The following STEEP1 variants were observed in gnomAD, a reference collection of about 807,000 sequenced individuals.
STEEP1 encodes STING1 ER exit protein 1.
A neutral mutation model predicts 19.2 loss-of-function variants in STEEP1; 3 were observed. That is an observed-to-expected ratio of 0.16 (90% CI 0.07 to 0.40). The LOEUF (loss-of-function observed/expected upper bound fraction) is 0.40. Ranked by LOEUF, STEEP1 falls within the 10% of genes least tolerant of loss-of-function variation. The pLI, the probability that STEEP1 is intolerant of heterozygous loss-of-function variation, is 0.99. For synonymous variants in STEEP1, 46 were observed against 63.7 expected (o/e 0.72, Z 1.32); for missense variants, 54 against 177.1 (o/e 0.30, Z 3.94).
At chrX:119,558,058 G>A (rs990937385) in intron 2 of STEEP1, among the ~76,000 whole-genome samples, 13 of 109,987 alleles carry the variant, frequency 1.2e-4, no homozygotes, top group African/African-American at 3.3e-4. Flanking sequence ...AGGCACACGC[G>A]CCACCATGCC....
At position 119,557,133 on chromosome X, in the gene STEEP1, G is replaced by A. The variant is rs182806996; in HGVS notation, c.242+3135C>T. ...ATCGCATCACTGCACTCCAGCTTGG[G>A]TGACAGAGCGAGACTCTATCTCAAA... is the stretch of plus-strand genomic sequence containing the variant. On this transcript the variant is annotated intron_variant, in intron 2 of 6. Coordinates refer to ENST00000644802, the MANE Select transcript of STEEP1 (RefSeq NM_022101.4). Among the ~76,000 whole-genome samples, 62 of 89,734 alleles carry A rather than the reference G, an allele frequency of 6.9e-4. No homozygotes were observed. The East Asian group carries it at 0.022, about 31-fold the overall frequency. The allele number at this position is 89,734 out of a possible 115,157, so 77.9% of individuals were successfully genotyped here. A position where few individuals can be genotyped will look rare whatever the true frequency, so the allele number is the denominator to read the frequency against.
At chrX:119,557,169 A>AAAAAAAAAAAG (rs1422611693) in intron 2 of STEEP1, among the ~76,000 whole-genome samples, 35 of 105,337 alleles carry the variant, frequency 3.3e-4, no homozygotes, top group South Asian at 8.6e-4. Context: ...AAAAAAAAAA[A>AAAAAAAAAAAG]AAAAGAAAAG....
At chrX:119,556,316 G>C (rs1365315795) in intron 2 of STEEP1, among the ~76,000 whole-genome samples, 2 of 111,011 alleles carry the variant, frequency 1.8e-5, no homozygotes, top group Non-Finnish European at 3.8e-5. Context: ...AAGAGTGTCA[G>C]AGTACGCCTG....
At chrX:119,553,510 AGTG>A (rs1416457587) in intron 2 of STEEP1, among the ~76,000 whole-genome samples, 1 of 111,891 alleles carries the variant, frequency 8.9e-6, no homozygotes, top group African/African-American at 3.2e-5. Context: ...AAAGTCACAA[AGTG>A]GTACTGCTTG....
chrX:119,545,801 G>A (rs2053199486), intron 2 of STEEP1, among the ~76,000 whole-genome samples: 1 of 109,258 alleles, frequency 9.2e-6, no homozygotes, highest in Non-Finnish European at 1.9e-5. Flanking sequence ...GCTGAGGCAG[G>A]AGAATTGCTT....
chrX:119,540,193 CA>C (rs2053153703), intron 6 of STEEP1, among the ~76,000 whole-genome samples: 1 of 111,955 alleles, frequency 8.9e-6, no homozygotes, highest in Non-Finnish European at 1.9e-5. Context: ...TTGGTCCACA[CA>C]AAATATGTAC....
At position 119,538,580 on chromosome X, in the gene STEEP1, T is replaced by C. The variant is rs1243963906; in HGVS notation, c.*1147A>G. 1 of 109,484 alleles carries C rather than the reference T, an allele frequency of 9.1e-6. No homozygotes were observed. The highest frequency in any genetic ancestry group is 1.9e-5 in the Non-Finnish European group (1 of 52,584). The allele number at this position is 109,484 out of a possible 1,213,427, so 9.0% of individuals were successfully genotyped here. On this transcript the variant is annotated 3_prime_UTR_variant, in exon 7 of 7. Coordinates refer to ENST00000644802, the MANE Select transcript of STEEP1 (RefSeq NM_022101.4). ...TCCCAAGTAGCCGTGACTACAGGGG[T>C]ATGCCGCCACACCTGGCTAATTTCT...
intron 1 of STEEP1, among the ~76,000 whole-genome samples, chrX:119,562,687 CAAAA>C (rs199872289): frequency 4.5e-5 from 4 of 88,203 alleles, no homozygotes; most frequent in Admixed American, 1.3e-4. Context: ...GACACTGTTT[CAAAA>C]AAAAAAAAAA....
chrX:119,542,703 C>A, intron 4 of STEEP1, 109 bp from the exon 5 acceptor site: 1 of 480,745 alleles, frequency 2.1e-6, no homozygotes, highest in Non-Finnish European at 3.7e-6. Context: ...TTGGGGGAAA[C>A]ACTACCTCTT....
rs1057050649 is a variant in STEEP1, at chrX:119,552,361, C to T, written c.243-6857G>A. Among the ~76,000 whole-genome samples the T allele has an allele frequency of 6.2e-5, 7 of 112,357 alleles. No individual in the cohort carries two copies. The Admixed American group carries it at 6.6e-4, about 11-fold the overall frequency. ...TCAGGCCTCCAGAACTTCTGACCAA[C>T]CAGCTTCAAGTTGGGGTTCCCACGA... On this transcript the variant is annotated intron_variant, in intron 2 of 6. Transcript: ENST00000644802.
intron 5 of STEEP1, among the ~76,000 whole-genome samples, chrX:119,542,069 T>C (rs1174038176): frequency 0.062 from 820 of 13,207 alleles, 17 homozygotes; most frequent in African/African-American, 0.13. Flanking sequence ...TTTTTTTTTT[T>C]TTTTTTTTTT....
At chrX:119,541,998 T>C (rs901878762) in intron 5 of STEEP1, among the ~76,000 whole-genome samples, 2 of 108,247 alleles carry the variant, frequency 1.8e-5, no homozygotes, top group Non-Finnish European at 3.8e-5. Flanking sequence ...ATTTTACAGA[T>C]GTCCCTGAGA....
chrX:119,549,656 T>C (rs188550558), intron 2 of STEEP1, among the ~76,000 whole-genome samples: 15 of 112,131 alleles, frequency 1.3e-4, no homozygotes, highest in African/African-American at 4.5e-4. Context: ...CATAAGAGCA[T>C]GGCTCCGGCA....
intron 2 of STEEP1, among the ~76,000 whole-genome samples, chrX:119,559,914 T>C (rs2053309524): frequency 8.9e-6 from 1 of 111,764 alleles, no homozygotes; most frequent in Non-Finnish European, 1.9e-5. Flanking sequence ...CTGGGCGTGG[T>C]GGCGCACGCC....
At position 119,559,406 on chromosome X, in the gene STEEP1, A is replaced by G. The variant is rs183119173; in HGVS notation, c.242+862T>C. Among the ~76,000 whole-genome samples, 115 of 111,227 alleles carry G rather than the reference A, an allele frequency of 1.0e-3. 1 individual carries two copies. Among genetic ancestry groups the G allele is most frequent in the Non-Finnish European group, 1.5e-3 (78 of 53,093 alleles). On this transcript the variant is annotated intron_variant, in intron 2 of 6. Coordinates refer to ENST00000644802, the MANE Select transcript of STEEP1 (RefSeq NM_022101.4). Reference sequence around the variant, plus strand: ...TGTTTGATGCTTTTAATGCTTCCATATTCCTTCCACCTGGAATGCTCTTCA... The same window carrying G: ...TGTTTGATGCTTTTAATGCTTCCATGTTCCTTCCACCTGGAATGCTCTTCA...
chrX:119,559,462 T>C (rs2053306295), intron 2 of STEEP1, among the ~76,000 whole-genome samples: 1 of 111,271 alleles, frequency 9.0e-6, no homozygotes, highest in Non-Finnish European at 1.9e-5. Flanking sequence ...AAATCCTAGT[T>C]CAGGCTAAAC....
intron 4 of STEEP1, among the ~76,000 whole-genome samples, chrX:119,543,851 CAT>C (rs1372965468): frequency 4.5e-5 from 5 of 112,012 alleles, no homozygotes; most frequent in East Asian, 2.8e-4. Flanking sequence ...TAAAATAACA[CAT>C]GATATCTCTC....
intron 2 of STEEP1, among the ~76,000 whole-genome samples, chrX:119,557,609 C>G (rs1176000671): frequency 2.7e-5 from 3 of 111,150 alleles, no homozygotes; most frequent in Non-Finnish European, 5.7e-5. Flanking sequence ...TGATGTCATA[C>G]TGGAGGAGGA....
At chrX:119,559,901 T>C in intron 2 of STEEP1, among the ~76,000 whole-genome samples, 1 of 111,520 alleles carries the variant, frequency 9.0e-6, no homozygotes, top group Non-Finnish European at 1.9e-5. Flanking sequence ...ATACAAAAAT[T>C]AGCTGGGCGT....
Sources: gnomAD v4.1 joint callset for allele counts (sites outside exome capture counted in the v4.1 genomes callset) on GRCh38, gnomAD v4.1.1 for gene constraint, MANE v1.5 for transcripts, NCBI Gene and HGNC (gene_info 2026-07-23, HGNC 2026-07-21) for gene names.